The following CRB1 variants were observed in gnomAD, a reference collection of about 807,000 sequenced individuals.
CRB1 encodes the protein protein crumbs homolog 1.
In CRB1, 83 loss-of-function variants were observed where a neutral mutation model predicts 120.0. That is an observed-to-expected ratio of 0.69 (90% CI 0.58 to 0.83). The LOEUF is 0.83. Among genes scored for constraint, CRB1 ranks in the 40% least tolerant of loss-of-function variants. CRB1 has a pLI of 0.00. For synonymous variants in CRB1, 625 were observed against 612.5 expected (o/e 1.02, Z -0.30); for missense variants, 1,699 against 1,687.6 (o/e 1.01, Z -0.12).
Position 197,421,632 on chromosome 1 carries a change from G to C in CRB1, c.1804G>C (p.Asp602His). ...IAKAPTPLES[D>H]QSICAFQNSF... ...GAAAGCTCCTACTCCACTTGAAAGT[G>C]ATCAATCAATATGTGCTTTTCAGAA... is the stretch of plus-strand genomic sequence containing the variant. Residue 602 changes from aspartate to histidine, a missense_variant, in exon 6 of 12, where the codon GAT becomes CAT. By Grantham distance (81) the Asp-to-His change is moderately conservative. Transcript: ENST00000367400. The C allele has an allele frequency of 1.2e-6, 2 of 1,614,208 alleles. No homozygotes were observed. The highest frequency in any genetic ancestry group is 1.7e-6 in the Non-Finnish European group (2 of 1,180,036).
chr1:197,454,561 A>G (rs763060739), intron 11 of CRB1, among the ~76,000 whole-genome samples: 24 of 152,174 alleles, frequency 1.6e-4, no homozygotes, highest in Admixed American at 2.6e-4. Context: ...TGTGTTCTGA[A>G]TAGAATGGAA....
chr1:197,427,399 T>A, intron 6 of CRB1, 55 bp from the exon 7 acceptor site: 1 of 1,544,446 alleles, frequency 6.5e-7, no homozygotes, highest in Non-Finnish European at 8.9e-7. Flanking sequence ...TTCTGTCTTT[T>A]GAGCCTTAAG....
intron 9 of CRB1, among the ~76,000 whole-genome samples, chr1:197,436,893 T>C (rs1166340919): frequency 6.6e-6 from 1 of 152,134 alleles, no homozygotes; most frequent in Non-Finnish European, 1.5e-5. Flanking sequence ...TGCAGTGATT[T>C]TTTTTGCCCA....
intron 9 of CRB1, chr1:197,438,153 T>C (rs936341595): frequency 3.6e-6 from 1 of 276,954 alleles, no homozygotes. Context: ...GCTTGGGTAG[T>C]AGAGTGCTGT....
intron 5 of CRB1, among the ~76,000 whole-genome samples, chr1:197,407,884 T>G (rs1448276054): frequency 6.6e-6 from 1 of 152,160 alleles, no homozygotes; most frequent in African/African-American, 2.4e-5. Context: ...AAATGCCAGG[T>G]TTACAACCTT....
At chr1:197,422,037 C>T in intron 6 of CRB1, 81 bp downstream of exon 6, 2 of 1,312,722 alleles carry the variant, frequency 1.5e-6, no homozygotes, top group East Asian at 2.3e-5. Flanking sequence ...CAGACTGCTT[C>T]TGCCTGCTAT....
At chr1:197,372,695 A>G (rs372426252) in intron 5 of CRB1, among the ~76,000 whole-genome samples, 74 of 150,288 alleles carry the variant, frequency 4.9e-4, no homozygotes, top group African/African-American at 1.5e-3. Context: ...AGGCAATATA[A>G]TGAGACTCTG....
chr1:197,436,961 C>G (rs1319876327), intron 9 of CRB1, among the ~76,000 whole-genome samples: 2 of 152,094 alleles, frequency 1.3e-5, no homozygotes, highest in Non-Finnish European at 2.9e-5. Context: ...GTTCTTGTAA[C>G]TACCTCCATT....
At chr1:197,295,925 C>T (rs1431067873) in intron 1 of CRB1, among the ~76,000 whole-genome samples, 1 of 151,872 alleles carries the variant, frequency 6.6e-6, no homozygotes, top group Non-Finnish European at 1.5e-5. Context: ...CTACTTTGGT[C>T]TCTACTATTA....
intron 5 of CRB1, among the ~76,000 whole-genome samples, chr1:197,372,993 G>A (rs2125385891): frequency 6.6e-6 from 1 of 152,250 alleles, no homozygotes; most frequent in East Asian, 1.9e-4. Flanking sequence ...TGAATCTAAG[G>A]AATAAGAAGC....
intron 1 of CRB1, among the ~76,000 whole-genome samples, chr1:197,285,646 G>A (rs1655783972): frequency 1.3e-5 from 2 of 151,788 alleles, no homozygotes; most frequent in African/African-American, 4.8e-5. Flanking sequence ...TCTTCTTGAG[G>A]CATCGCAGTC....
At chr1:197,345,204 C>A (rs1432860866) in intron 3 of CRB1, among the ~76,000 whole-genome samples, 2 of 152,174 alleles carry the variant, frequency 1.3e-5, no homozygotes, top group Non-Finnish European at 2.9e-5. Context: ...TTACCAAATA[C>A]ATAACAATTT....
intron 5 of CRB1, among the ~76,000 whole-genome samples, chr1:197,418,986 G>A (rs1425025275): frequency 1.3e-5 from 2 of 152,142 alleles, no homozygotes; most frequent in African/African-American, 4.8e-5. Flanking sequence ...TGTCATTAGA[G>A]GGTAATTCTT....
intron 5 of CRB1, among the ~76,000 whole-genome samples, chr1:197,368,472 C>A (rs1340763229): frequency 6.6e-6 from 1 of 152,134 alleles, no homozygotes; most frequent in Non-Finnish European, 1.5e-5. Context: ...ATGTTAGCTG[C>A]AATAACTAGG....
At chr1:197,242,963 AG>A in the CRB1 span, among the ~76,000 whole-genome samples, 1 of 151,920 alleles carries the variant, frequency 6.6e-6, no homozygotes, top group Admixed American at 6.6e-5. Context: ...ATTTGTGTAG[AG>A]GTGTTTATAG....
chr1:197,268,825 T>C (rs910335088), intron 1 of CRB1, among the ~76,000 whole-genome samples: 5 of 152,208 alleles, frequency 3.3e-5, no homozygotes, highest in African/African-American at 1.2e-4. Flanking sequence ...CTAATTGATA[T>C]CCTTTAAAAG....
At chr1:197,369,253 A>C (rs1190313072) in intron 5 of CRB1, among the ~76,000 whole-genome samples, 1 of 152,168 alleles carries the variant, frequency 6.6e-6, no homozygotes, top group Non-Finnish European at 1.5e-5. Context: ...TAAATGATTA[A>C]TTATAGCTCT....
At chr1:197,220,630 G>T in the CRB1 span, among the ~76,000 whole-genome samples, 2 of 152,194 alleles carry the variant, frequency 1.3e-5, no homozygotes, top group Non-Finnish European at 2.9e-5. Context: ...AACACAGGAA[G>T]AAAAATGTAT....
chr1:197,253,568 A>G, the CRB1 span, among the ~76,000 whole-genome samples: 1 of 152,088 alleles, frequency 6.6e-6, no homozygotes, highest in Non-Finnish European at 1.5e-5. Context: ...ATGATTTTTA[A>G]TGCTACAACA....
Sources: gnomAD v4.1 joint callset for allele counts (sites outside exome capture counted in the v4.1 genomes callset) on GRCh38, gnomAD v4.1.1 for gene constraint, MANE v1.5 for transcripts, NCBI Gene and HGNC (gene_info 2026-07-23, HGNC 2026-07-21) for gene names.